The following RSF1 variants were observed in gnomAD, a reference collection of about 807,000 sequenced individuals.
The protein encoded by RSF1 is HBV pX-associated protein 8.
In RSF1, 13 loss-of-function variants were observed where a neutral mutation model predicts 145.2. The observed-to-expected ratio is 0.09, with a 90% CI of 0.06 to 0.14. The LOEUF (loss-of-function observed/expected upper bound fraction) is 0.14, where lower values mean the gene tolerates loss of function less well. Ranked by LOEUF, RSF1 falls within the 10% of genes least tolerant of loss-of-function variation. The pLI is 1.00. For missense variants in RSF1, 1,517 were observed against 1,718.2 expected (o/e 0.88, Z 2.07); for synonymous variants, 577 against 592.6 (o/e 0.97, Z 0.38).
upstream of RSF1, among the ~76,000 whole-genome samples, chr11:77,824,055 A>G (rs1234252808): frequency 2.0e-5 from 3 of 152,226 alleles, no homozygotes; most frequent in Non-Finnish European, 4.4e-5. Context: ...CTTTGGCATC[A>G]GAAAGTTATA....
chr11:77,693,517 G>A lies in RSF1; in HGVS notation c.2810C>T (p.Pro937Leu), dbSNP rs866619947. The change falls in exon 8 of 16, where the codon CCT becomes CTT. Residue 937 changes from proline to leucine, a missense_variant. This residue lies in a region of RSF1 where 29 missense variants were observed against 102.3 expected (regional missense o/e 0.28). Coordinates refer to ENST00000308488, the MANE Select transcript of RSF1 (RefSeq NM_016578.4). ...IIPDGEWFCP[P>L]CQHKLLCEKL... Reference sequence around the variant, plus strand: ...TGGGCGGGGTCTTACATGTTGGCAAGGTGGGCAGAACCATTCTCCATCTGG... The same window carrying A: ...TGGGCGGGGTCTTACATGTTGGCAAAGTGGGCAGAACCATTCTCCATCTGG... 1 of 1,611,596 alleles carries A rather than the reference G, an allele frequency of 6.2e-7. No individual in the cohort carries two copies. The highest frequency in any genetic ancestry group is 8.5e-7 in the Non-Finnish European group (1 of 1,177,888).
At chr11:77,782,279 G>T (rs1014926966) in intron 1 of RSF1, among the ~76,000 whole-genome samples, 1 of 152,194 alleles carries the variant, frequency 6.6e-6, no homozygotes, top group African/African-American at 2.4e-5. Flanking sequence ...GGTGGCTCAC[G>T]CCTGTAATCC....
intron 1 of RSF1, among the ~76,000 whole-genome samples, chr11:77,791,848 T>C (rs1948520768): frequency 6.6e-6 from 1 of 152,228 alleles, no homozygotes; most frequent in Non-Finnish European, 1.5e-5. Flanking sequence ...ATCAAGTCTC[T>C]AGGAAGTTCT....
intron 5 of RSF1, among the ~76,000 whole-genome samples, chr11:77,711,167 A>G (rs1215216998): frequency 6.6e-6 from 1 of 150,744 alleles, no homozygotes; most frequent in Non-Finnish European, 1.5e-5. Flanking sequence ...AAAAGATAAA[A>G]CTCATGAGTT....
intron 9 of RSF1, among the ~76,000 whole-genome samples, chr11:77,686,503 T>C (rs1208313825): frequency 1.3e-5 from 2 of 151,612 alleles, no homozygotes; most frequent in Non-Finnish European, 1.5e-5. Context: ...CTCTGTATGT[T>C]AAATTGAACT....
chr11:77,856,482 C>T, the RSF1 span, among the ~76,000 whole-genome samples: 35,096 of 152,006 alleles, frequency 0.23, 4,151 homozygotes, highest in African/African-American at 0.25. Flanking sequence ...TACCCCCTTC[C>T]TGGTACCAAT....
intron 1 of RSF1, among the ~76,000 whole-genome samples, chr11:77,781,464 T>C (rs556379266): frequency 3.9e-5 from 6 of 152,196 alleles, no homozygotes; most frequent in Non-Finnish European, 8.8e-5. Flanking sequence ...TGTATAGACA[T>C]ACATTTTTAT....
intron 1 of RSF1, among the ~76,000 whole-genome samples, chr11:77,774,854 C>T (rs1948325754): frequency 6.6e-6 from 1 of 150,778 alleles, no homozygotes; most frequent in Non-Finnish European, 1.5e-5. Flanking sequence ...GCAACCTCTG[C>T]TTCCCGGGTT....
chr11:77,717,166 AC>A (rs1339236632), intron 5 of RSF1, among the ~76,000 whole-genome samples: 1 of 116,332 alleles, frequency 8.6e-6, no homozygotes, highest in African/African-American at 3.7e-5. Context: ...CAAAAAAAAA[AC>A]AAAAACCAAA....
Position 77,683,018 on chromosome 11 carries a change from T to G in RSF1, c.3065+692A>C, listed in dbSNP as rs950515760. On this transcript the variant is annotated intron_variant, in intron 11 of 15. Coordinates refer to ENST00000308488, the MANE Select transcript of RSF1 (RefSeq NM_016578.4). ...TTAAAAGTATCAATGCTTGGCTGGG[T>G]GTGGTGGCTCATGCCTGTAATCCCA... Among the ~76,000 whole-genome samples the G allele has an allele frequency of 2.6e-5, 4 of 151,986 alleles. No homozygotes were observed. In the Middle Eastern group the frequency reaches 0.01, roughly 388 times the overall value.
chr11:77,731,296 A>C (rs1314862273), intron 4 of RSF1, among the ~76,000 whole-genome samples: 1 of 152,186 alleles, frequency 6.6e-6, no homozygotes, highest in Non-Finnish European at 1.5e-5. Context: ...GAGATGATTT[A>C]GGGTATGTGG....
chr11:77,796,911 T>C (rs1264328349), intron 1 of RSF1, among the ~76,000 whole-genome samples: 1 of 152,098 alleles, frequency 6.6e-6, no homozygotes, highest in African/African-American at 2.4e-5. Flanking sequence ...CATTCAAAAT[T>C]GCTACAAAGA....
Position 77,820,528 on chromosome 11 carries a change from C to T in RSF1, c.187G>A (p.Val63Ile). 1 of 1,547,826 alleles carries T rather than the reference C, an allele frequency of 6.5e-7. No individual in the cohort carries two copies. Among genetic ancestry groups the T allele is most frequent in the Non-Finnish European group, 8.7e-7 (1 of 1,146,598 alleles). ...CCGGGCGTTCGGGCCCCTCGCTTAC[C>T]TTCTCCGTTGCCGACGTCCGGCGGC... ...APPPDVGNGE[V>I]PKELVELHLK... The change falls in exon 1 of 16, where the codon GTA becomes ATA. Residue 63 changes from valine to isoleucine, a missense_variant and splice_region_variant. Physicochemically the swap from Val to Ile is conservative, Grantham distance 29. Coordinates refer to ENST00000308488, the MANE Select transcript of RSF1 (RefSeq NM_016578.4).
upstream of RSF1, chr11:77,821,138 G>C: frequency 2.5e-6 from 1 of 405,660 alleles, no homozygotes; most frequent in Non-Finnish European, 4.4e-6. Flanking sequence ...CGTATTCCCG[G>C]AGGGCAGTTG....
Position 77,791,810 on chromosome 11 carries a change from G to A in RSF1, c.188-27121C>T, listed in dbSNP as rs896422598. On this transcript the variant is annotated intron_variant, in intron 1 of 15. Transcript: ENST00000308488. ...CAGCCTGGATCTTATTGTCCATATC[G>A]CTATCAGGCTTTTGGTCAAAGCCAT... Among the ~76,000 whole-genome samples, 11 of 152,110 alleles carry A rather than the reference G, an allele frequency of 7.2e-5. No individual in the cohort carries two copies. The South Asian group carries it at 1.0e-3, about 14-fold the overall frequency.
the RSF1 span, among the ~76,000 whole-genome samples, chr11:77,848,973 T>A: frequency 6.6e-6 from 1 of 151,912 alleles, no homozygotes; most frequent in African/African-American, 2.4e-5. Flanking sequence ...TTTTATTTTT[T>A]GTAGAGACAG....
rs777427265 is a variant in RSF1, at chr11:77,676,772, C to G, written c.3341+20G>C. On this transcript the variant is annotated intron_variant, in intron 13 of 15. Transcript: ENST00000308488. ...TCCTGCTGGTATCTAGGGATCGGGG[C>G]CTAGTAGGAGACCACACACCCATCA... The G allele has an allele frequency of 4.4e-6, 7 of 1,607,384 alleles. No individual in the cohort carries two copies. In the African/African-American group the frequency reaches 9.4e-5, roughly 22 times the overall value.
chr11:77,728,542 G>T (rs548247039), intron 4 of RSF1, among the ~76,000 whole-genome samples: 10 of 151,060 alleles, frequency 6.6e-5, no homozygotes, highest in Admixed American at 1.3e-4. Flanking sequence ...AAGGGGAAAG[G>T]GAAGAGGAAA....
At chr11:77,862,758 C>G in the RSF1 span, among the ~76,000 whole-genome samples, 22 of 152,252 alleles carry the variant, frequency 1.4e-4, no homozygotes, top group South Asian at 4.1e-3. Flanking sequence ...CAAAAGAGGT[C>G]TAGGTGTAAG....
Sources: gnomAD v4.1 joint callset for allele counts (sites outside exome capture counted in the v4.1 genomes callset) on GRCh38, gnomAD v4.1.1 for gene constraint, gnomAD v4.1.1 regional missense constraint, MANE v1.5 for transcripts, NCBI Gene and HGNC (gene_info 2026-07-23, HGNC 2026-07-21) for gene names.